ADGRV1: variants seen among roughly 807,000 people sequenced by gnomAD.
The protein encoded by ADGRV1 is adhesion G protein-coupled receptor V1.
A neutral mutation model predicts 596.2 loss-of-function variants in ADGRV1; 359 were observed. The ratio of observed to expected loss-of-function variants is 0.60; its 90% CI spans 0.55 to 0.66. The LOEUF is 0.66. Among genes scored for constraint, ADGRV1 ranks in the 30% least tolerant of loss-of-function variants. The pLI, the probability that ADGRV1 is intolerant of heterozygous loss-of-function variation, is 0.00. For synonymous variants in ADGRV1, 2,681 were observed against 2,679.2 expected, an observed-to-expected ratio of 1.00 and a Z score of -0.02; for missense variants, 7,274 against 7,575.6, an observed-to-expected ratio of 0.96 and a Z score of 1.48.
chr5:91,005,013 C>T (rs1462964682), intron 85 of ADGRV1, among the ~76,000 whole-genome samples: 1 of 152,030 alleles, frequency 6.6e-6, no homozygotes, highest in East Asian at 1.9e-4. Context: ...TTTTATAAAC[C>T]TAAAGTACAG....
Position 90,810,905 on chromosome 5 carries a change from C to T in ADGRV1, c.15645C>T (p.Ser5215=), listed in dbSNP as rs367798570. Reference sequence around the variant, plus strand: ...TGGCCACTGTAACTGCCAATGTTTCCATTCATGGAACATTCAGCCTTGGGC... The same window carrying T: ...TGGCCACTGTAACTGCCAATGTTTCTATTCATGGAACATTCAGCCTTGGGC... ...PDVATVTANV[S]IHGTFSLGPS... The change falls in exon 74 of 90, where the codon TCC becomes TCT. Residue 5215 remains serine, a synonymous_variant. Coordinates refer to ENST00000405460, the MANE Select transcript of ADGRV1 (RefSeq NM_032119.4). 2.5e-6 allele frequency: 4 copies of T among 1,613,832 alleles called. No homozygotes were observed. Among genetic ancestry groups the T allele is most frequent in the South Asian group, 1.1e-5 (1 of 91,084 alleles).
rs571643991 is a variant in ADGRV1 at position 90,694,108 on chromosome 5, C to T, written c.7352C>T (p.Ala2451Val). The T allele has an allele frequency of 8.7e-6, 14 of 1,613,666 alleles. No individual in the cohort carries two copies. The highest frequency in any genetic ancestry group is 3.3e-5 in the Admixed American group (2 of 59,916). Residue 2451 changes from alanine (A) to valine (V), a missense_variant, in exon 33 of 90, where the codon GCG becomes GTG. By Grantham distance (64) the Ala-to-Val change is moderately conservative (BLOSUM62 0). Around this residue, in one of 5 missense-constraint regions of ADGRV1, gnomAD observed 3,643 missense variants for 3,809.2 expected, o/e 0.96. Coordinates refer to ENST00000405460, the MANE Select transcript of ADGRV1 (RefSeq NM_032119.4). Reference protein sequence around the residue: ...TLCLKEQACSAFSFFSASEGP... With the variant: ...TLCLKEQACSVFSFFSASEGP... ...TGCCTTAAGGAACAAGCTTGCTCAG[C>T]GTTTTCATTTTTCAGTGCTTCTGAG...
At chr5:90,942,747 TG>T in intron 83 of ADGRV1, among the ~76,000 whole-genome samples, 1 of 152,278 alleles carries the variant, frequency 6.6e-6, no homozygotes, top group Non-Finnish European at 1.5e-5. Flanking sequence ...TCTGAACGAT[TG>T]TGTGAAGTAC....
intron 83 of ADGRV1, among the ~76,000 whole-genome samples, chr5:90,939,385 C>T (rs116449823): frequency 2.6e-5 from 4 of 152,214 alleles, no homozygotes; most frequent in South Asian, 2.1e-4. Flanking sequence ...TGAGCAATGA[C>T]GATTAGGTTA....
chr5:90,624,917 G>A lies in ADGRV1; in HGVS notation c.559-213G>A, dbSNP rs569255380. Among the ~76,000 whole-genome samples, 30 of 151,960 alleles carry A rather than the reference G, an allele frequency of 2.0e-4. No individual in the cohort carries two copies. In the East Asian group the frequency reaches 5.0e-3, roughly 26 times the overall value. ...CATAATGGTTGAGAAAAAACAGCTC[G>A]TAGAAACCACGTAGTTTAATGCAGT... is the stretch of plus-strand genomic sequence containing the variant. On this transcript the variant is annotated intron_variant, in intron 5 of 89. Coordinates refer to ENST00000405460, the MANE Select transcript of ADGRV1 (RefSeq NM_032119.4).
chr5:90,729,348 G>T (rs1752225519), intron 49 of ADGRV1, among the ~76,000 whole-genome samples: 1 of 152,070 alleles, frequency 6.6e-6, no homozygotes, highest in African/African-American at 2.4e-5. Context: ...GCTTTCTGCT[G>T]CTGAGTAGAA....
intron 83 of ADGRV1, among the ~76,000 whole-genome samples, chr5:90,924,000 T>C (rs1774157350): frequency 6.6e-6 from 1 of 151,934 alleles, no homozygotes; most frequent in East Asian, 1.9e-4. Flanking sequence ...ATGGTGTATA[T>C]GTGCCACATT....
intron 77 of ADGRV1, among the ~76,000 whole-genome samples, chr5:90,831,953 C>T (rs893225151): frequency 6.6e-6 from 1 of 152,142 alleles, no homozygotes; most frequent in Non-Finnish European, 1.5e-5. Flanking sequence ...GTATATGTAG[C>T]ACATTTTCAA....
chr5:90,891,554 AC>A (rs1770824206), intron 83 of ADGRV1, among the ~76,000 whole-genome samples: 1 of 151,946 alleles, frequency 6.6e-6, no homozygotes, highest in South Asian at 2.1e-4. Flanking sequence ...AAAAGGAGAA[AC>A]TTTTTCAGGT....
At chr5:90,680,454 G>A (rs560780701) in intron 26 of ADGRV1, among the ~76,000 whole-genome samples, 3 of 152,050 alleles carry the variant, frequency 2.0e-5, no homozygotes, top group African/African-American at 7.2e-5. Context: ...ATTGAAAAGA[G>A]GATGCCTTTT....
chr5:90,822,930 T>G (rs533685705), intron 75 of ADGRV1, among the ~76,000 whole-genome samples: 142 of 152,278 alleles, frequency 9.3e-4, no homozygotes, highest in African/African-American at 3.2e-3. Context: ...GCTCTCTGTT[T>G]GTCTGTTATT....
chr5:91,027,191 T>A (rs1035179954), intron 85 of ADGRV1, among the ~76,000 whole-genome samples: 24 of 71,598 alleles, frequency 3.4e-4, no homozygotes, highest in South Asian at 1.7e-3. Flanking sequence ...ACACACACAC[T>A]GTCTAACTAG....
chr5:90,858,910 G>A (rs527551215), intron 82 of ADGRV1, among the ~76,000 whole-genome samples: 1 of 152,250 alleles, frequency 6.6e-6, no homozygotes, highest in East Asian at 1.9e-4. Flanking sequence ...CTTGAGTCCA[G>A]TTTTAACAGC....
At chr5:90,691,626 C>G (rs948177495) in intron 31 of ADGRV1, among the ~76,000 whole-genome samples, 1 of 151,994 alleles carries the variant, frequency 6.6e-6, no homozygotes, top group Non-Finnish European at 1.5e-5. Flanking sequence ...CTCAGGTGAT[C>G]CACCTGCCTC....
intron 1 of ADGRV1, among the ~76,000 whole-genome samples, chr5:90,579,210 T>G (rs1757645246): frequency 6.6e-6 from 1 of 152,238 alleles, no homozygotes; most frequent in Non-Finnish European, 1.5e-5. Flanking sequence ...GGTGCCGATT[T>G]TAGATCTTCC....
At chr5:90,711,941 T>A (rs1363819885) in intron 41 of ADGRV1, among the ~76,000 whole-genome samples, 3 of 152,088 alleles carry the variant, frequency 2.0e-5, no homozygotes, top group Admixed American at 2.0e-4. Context: ...CATGCTAATT[T>A]TTTTTGTATT....
At chr5:91,010,472 A>C (rs1307787005) in intron 85 of ADGRV1, among the ~76,000 whole-genome samples, 1 of 152,118 alleles carries the variant, frequency 6.6e-6, no homozygotes, top group East Asian at 1.9e-4. Flanking sequence ...AGAGAAGCTG[A>C]AATATTTGAA....
chr5:90,780,824 C>T (rs1048419299), intron 64 of ADGRV1, among the ~76,000 whole-genome samples: 2 of 152,132 alleles, frequency 1.3e-5, no homozygotes, highest in African/African-American at 4.8e-5. Flanking sequence ...CCTCATACTT[C>T]TAAATAGCTA....
intron 83 of ADGRV1, among the ~76,000 whole-genome samples, chr5:90,942,054 G>A (rs1231241154): frequency 1.3e-5 from 2 of 152,152 alleles, no homozygotes; most frequent in Non-Finnish European, 2.9e-5. Flanking sequence ...TGTACAAGAA[G>A]CCTATCTTAT....
Sources: gnomAD v4.1 joint callset for allele counts (sites outside exome capture counted in the v4.1 genomes callset) on GRCh38, gnomAD v4.1.1 for gene constraint, gnomAD v4.1.1 regional missense constraint, MANE v1.5 for transcripts, NCBI Gene and HGNC (gene_info 2026-07-23, HGNC 2026-07-21) for gene names.